The following DIAPH2 variants were observed in gnomAD, a reference collection of about 807,000 sequenced individuals.
The protein encoded by DIAPH2 is diaphanous related formin 2.
DIAPH2 carries 35 observed loss-of-function variants against 92.7 expected under a neutral mutation model. The observed-to-expected ratio is 0.38, with a 90% CI of 0.29 to 0.50. The LOEUF is 0.50. Among genes scored for constraint, DIAPH2 ranks in the 20% least tolerant of loss-of-function variants. The pLI, the probability that DIAPH2 is intolerant of heterozygous loss-of-function variation, is 0.94. For synonymous variants in DIAPH2, 301 were observed against 280.4 expected, an observed-to-expected ratio of 1.07 and a Z score of -0.73; for missense variants, 701 against 819.5, an observed-to-expected ratio of 0.86 and a Z score of 1.77.
intron 1 of DIAPH2, among the ~76,000 whole-genome samples, chrX:96,714,843 A>T (rs897877467): frequency 2.1e-4 from 24 of 112,064 alleles, no homozygotes; most frequent in Non-Finnish European, 3.9e-4. Context: ...ATAAGATAGC[A>T]GAAAAGCTGG....
At chrX:97,095,307 G>T (rs1226046992) in intron 19 of DIAPH2, among the ~76,000 whole-genome samples, 1 of 103,888 alleles carries the variant, frequency 9.6e-6, no homozygotes, top group Non-Finnish European at 2.0e-5. Context: ...TAGTAGAGAC[G>T]GGGTTTCACC....
chrX:97,512,156 G>C (rs1361750808), intron 26 of DIAPH2, among the ~76,000 whole-genome samples: 1 of 113,129 alleles, frequency 8.8e-6, no homozygotes, highest in African/African-American at 3.3e-5. Flanking sequence ...TTTTTGGTTG[G>C]TAAGCTATTG....
At position 97,429,523 on chromosome X, in the gene DIAPH2, T is replaced by C. The variant is rs2070104817; in HGVS notation, c.3146-127T>C. Reference sequence around the variant, plus strand: ...TGCCAGAAACTGACAGGATCCATTATGTTAAAACAGATATATGTCTTTAAT... The same window carrying C: ...TGCCAGAAACTGACAGGATCCATTACGTTAAAACAGATATATGTCTTTAAT... On this transcript the variant is annotated intron_variant, in intron 25 of 26. Coordinates refer to ENST00000324765, the MANE Select transcript of DIAPH2 (RefSeq NM_006729.5). 6 of 941,112 alleles carry C rather than the reference T, an allele frequency of 6.4e-6. No individual in the cohort carries two copies. In the Admixed American group the frequency reaches 2.2e-4, roughly 34 times the overall value. The allele number at this position is 941,112 out of a possible 1,213,427, so 77.6% of individuals were successfully genotyped here.
At chrX:97,379,107 AT>A (rs1284334315) in intron 24 of DIAPH2, among the ~76,000 whole-genome samples, 39 of 110,502 alleles carry the variant, frequency 3.5e-4, no homozygotes, top group African/African-American at 1.2e-3. Context: ...CATTCCTAGT[AT>A]TTTTTTTTCT....
chrX:96,807,944 C>CAAAAAAAAAAAAAAAAAAAAAA lies in DIAPH2; in HGVS notation c.447+49704_447+49725dup, dbSNP rs541681495. Among the ~76,000 whole-genome samples the CAAAAAAAAAAAAAAAAAAAAAA allele has an allele frequency of 2.1e-4, 3 of 14,490 alleles. 1 individual carries two copies. Among genetic ancestry groups the CAAAAAAAAAAAAAAAAAAAAAA allele is most frequent in the Admixed American group, 1.4e-3 (1 of 740 alleles). 12.6% of individuals were successfully genotyped at this position (14,490 alleles called of 115,157 possible). On this transcript the variant is annotated intron_variant, in intron 4 of 26. Coordinates refer to ENST00000324765, the MANE Select transcript of DIAPH2 (RefSeq NM_006729.5). ...GTGAGATTTGGTATTGTAGAAATAG[C>CAAAAAAAAAAAAAAAAAAAAAA]AAAAAAAAAAAAAAAAAAAAAAAAA...
intron 22 of DIAPH2, among the ~76,000 whole-genome samples, chrX:97,209,992 C>T (rs1300518931): frequency 9.0e-6 from 1 of 111,116 alleles, no homozygotes; most frequent in Non-Finnish European, 1.9e-5. Context: ...AAAACCTTAG[C>T]TTTCAAAGTC....
rs760323707 is a variant in DIAPH2 at position 97,547,983 on chromosome X, G to A, written c.3242-51270G>A. On this transcript the variant is annotated intron_variant, in intron 26 of 26. Coordinates refer to ENST00000324765, the MANE Select transcript of DIAPH2 (RefSeq NM_006729.5). ...TTTGCACTCCATAAATATCAAGCCTGTCGGGACTAAGTTGTAATGAGTTCA... is the reference window on the plus strand; with the variant it reads ...TTTGCACTCCATAAATATCAAGCCTATCGGGACTAAGTTGTAATGAGTTCA... 2.7e-5 allele frequency among the ~76,000 whole-genome samples: 3 copies of A among 111,873 alleles called. No individual in the cohort carries two copies. In the South Asian group the frequency reaches 1.1e-3, roughly 42 times the overall value.
At chrX:97,301,427 G>A (rs183613805) in intron 23 of DIAPH2, among the ~76,000 whole-genome samples, 30 of 111,177 alleles carry the variant, frequency 2.7e-4, no homozygotes, top group African/African-American at 7.6e-4. Context: ...CAAATAAAGC[G>A]AAGTATTCAA....
chrX:96,781,097 C>T (rs1283547148), intron 4 of DIAPH2, among the ~76,000 whole-genome samples: 1 of 111,335 alleles, frequency 9.0e-6, no homozygotes, highest in Non-Finnish European at 1.9e-5. Context: ...AGTGAGCCAC[C>T]GTGCCGGGCC....
intron 15 of DIAPH2, among the ~76,000 whole-genome samples, chrX:96,957,449 AAGG>A (rs1304145724): frequency 2.7e-5 from 3 of 111,952 alleles, no homozygotes; most frequent in African/African-American, 9.8e-5. Flanking sequence ...TCGCAGTAGC[AAGG>A]AGAAGGGCCA....
At chrX:97,229,668 G>A (rs1474401742) in intron 22 of DIAPH2, among the ~76,000 whole-genome samples, 2 of 109,310 alleles carry the variant, frequency 1.8e-5, no homozygotes, top group African/African-American at 6.6e-5. Flanking sequence ...GAAGACATGG[G>A]ACACTCAATT....
intron 26 of DIAPH2, among the ~76,000 whole-genome samples, chrX:97,488,573 A>T (rs1463155895): frequency 8.9e-6 from 1 of 111,737 alleles, no homozygotes. Context: ...GGAGTTTTGT[A>T]GGTTTAGGTC....
At chrX:96,863,208 G>GT (rs1457551244) in intron 4 of DIAPH2, among the ~76,000 whole-genome samples, 1 of 98,186 alleles carries the variant, frequency 1.0e-5, no homozygotes, top group African/African-American at 3.7e-5. Context: ...TACCTGCTTT[G>GT]TTATGAGTCC....
intron 26 of DIAPH2, among the ~76,000 whole-genome samples, chrX:97,547,567 T>C (rs1300866296): frequency 2.7e-5 from 3 of 112,389 alleles, no homozygotes; most frequent in African/African-American, 9.7e-5. Context: ...ACCTCTTACT[T>C]TGCATAGGTG....
intron 20 of DIAPH2, among the ~76,000 whole-genome samples, chrX:97,109,066 A>G (rs2066961762): frequency 9.0e-6 from 1 of 111,671 alleles, no homozygotes; most frequent in Non-Finnish European, 1.9e-5. Context: ...TTTAATGAAT[A>G]CATTTTCATG....
rs912167813 is a variant in DIAPH2 at position 97,162,959 on chromosome X, T to C, written c.2719+21165T>C. On this transcript the variant is annotated intron_variant, in intron 22 of 26. Transcript: ENST00000324765. ...GTTTCTAAGGTATGAATTTCACCCT[T>C]TGTTATTTCTGCTGACTTTGTATCA... Among the ~76,000 whole-genome samples, 4 of 111,198 alleles carry C rather than the reference T, an allele frequency of 3.6e-5. No homozygotes were observed. In the Admixed American group the frequency reaches 3.8e-4, roughly 11 times the overall value.
At chrX:96,703,905 T>A (rs1354466248) in intron 1 of DIAPH2, among the ~76,000 whole-genome samples, 1 of 111,108 alleles carries the variant, frequency 9.0e-6, no homozygotes, top group Non-Finnish European at 1.9e-5. Context: ...GTGGAATTTT[T>A]ATTAAGAGAC....
intron 17 of DIAPH2, among the ~76,000 whole-genome samples, chrX:97,046,016 C>G (rs1284949573): frequency 5.6e-5 from 6 of 107,997 alleles, no homozygotes; most frequent in Non-Finnish European, 9.6e-5. Flanking sequence ...ACCCCCATTC[C>G]TGGCTAAATT....
intron 5 of DIAPH2, among the ~76,000 whole-genome samples, chrX:96,905,899 G>A (rs954271121): frequency 1.8e-5 from 2 of 112,348 alleles, no homozygotes; most frequent in Non-Finnish European, 3.8e-5. Flanking sequence ...GGAGGCCGAA[G>A]CAGGCGGATC....
Sources: gnomAD v4.1 joint callset for allele counts (sites outside exome capture counted in the v4.1 genomes callset) on GRCh38, gnomAD v4.1.1 for gene constraint, MANE v1.5 for transcripts, NCBI Gene and HGNC (gene_info 2026-07-23, HGNC 2026-07-21) for gene names.